Variants in SBNO2 observed in about 807,000 individuals in gnomAD.
The protein encoded by SBNO2 is protein strawberry notch homolog 2.
Under a neutral mutation model 146.3 loss-of-function variants are expected in SBNO2, and 89 were observed. The ratio of observed to expected loss-of-function variants is 0.61; its 90% CI spans 0.51 to 0.73. The LOEUF (loss-of-function observed/expected upper bound fraction) is 0.73. Among genes scored for constraint, SBNO2 ranks in the 30% least tolerant of loss-of-function variants. The pLI is 0.00. For missense variants in SBNO2, 2,092 were observed against 2,003.7 expected (o/e 1.04, Z -0.84); for synonymous variants, 1,147 against 892.6 (o/e 1.29, Z -5.08).
Position 1,109,552 on chromosome 19 carries a change from G to C in SBNO2, c.3170C>G (p.Ser1057Trp). 2 of 1,601,234 alleles carry C rather than the reference G, an allele frequency of 1.2e-6. No individual in the cohort carries two copies. The highest frequency in any genetic ancestry group is 1.7e-6 in the Non-Finnish European group (2 of 1,175,146). ...GTCATAGGGGCCCGTCAGCGCCAGC[G>C]ACTTGGCAAAGGCGTCCTCCCACTT... is the stretch of plus-strand genomic sequence containing the variant. ...GLKWEDAFAK[S>W]LALTGPYDGF... The change falls in exon 28 of 32, where the codon TCG becomes TGG. Residue 1057 changes from serine (S) to tryptophan (W), a missense_variant. Coordinates refer to ENST00000361757, the MANE Select transcript of SBNO2 (RefSeq NM_014963.3). This position sits in a 1 kb window ranked among gnomAD's most constrained non-coding sequence, Gnocchi z 4.2.
At position 1,109,465 on chromosome 19, in the gene SBNO2, C is replaced by T. The variant is rs994806366; in HGVS notation, c.3216+41G>A. Reference sequence around the variant, plus strand: ...TGAGGCCGCGCCCCGGTCCGCCCCCCGCGGGCCCTCCTCTGGGGGGGTAAC... The same window carrying T: ...TGAGGCCGCGCCCCGGTCCGCCCCCTGCGGGCCCTCCTCTGGGGGGGTAAC... On this transcript the variant is annotated intron_variant, in intron 28 of 31. Coordinates refer to ENST00000361757, the MANE Select transcript of SBNO2 (RefSeq NM_014963.3). The surrounding 1 kb of genome is among the most constrained non-coding windows in gnomAD (Gnocchi z 4.2). 14 of 1,567,736 alleles carry T rather than the reference C, an allele frequency of 8.9e-6. No individual in the cohort carries two copies. The highest frequency in any genetic ancestry group is 1.1e-5 in the Non-Finnish European group (13 of 1,157,746).
At chr19:1,124,711 GAGA>G (rs2079945290) in intron 5 of SBNO2, among the ~76,000 whole-genome samples, 1 of 152,228 alleles carries the variant, frequency 6.6e-6, no homozygotes, top group Non-Finnish European at 1.5e-5. Context: ...CCACCCTGGG[GAGA>G]AGGACTGCCC....
Position 1,157,429 on chromosome 19 carries a change from A to C in SBNO2, c.-126-3027T>G, listed in dbSNP as rs2080302062. Among the ~76,000 whole-genome samples the C allele has an allele frequency of 6.7e-6, 1 of 149,536 alleles. No individual in the cohort carries two copies. The highest frequency in any genetic ancestry group is 1.5e-5 in the Non-Finnish European group (1 of 67,152). ...ACGCGGCCCCGGAGACCCTCTCCCC[A>C]CGCGGCCCCGGTGACACGGCCCACC... is the stretch of plus-strand genomic sequence containing the variant. On this transcript the variant is annotated intron_variant, in intron 1 of 31. Transcript: ENST00000361757. This position sits in a 1 kb window ranked among gnomAD's most constrained non-coding sequence, Gnocchi z 6.8.
At chr19:1,125,292 G>A (rs1167063739) in intron 5 of SBNO2, among the ~76,000 whole-genome samples, 2 of 149,936 alleles carry the variant, frequency 1.3e-5, no homozygotes, top group Non-Finnish European at 3.0e-5. Flanking sequence ...CCAGGAGGCA[G>A]AGGTTGCAGT....
At position 1,123,617 on chromosome 19, in the gene SBNO2, G is replaced by A. The variant is rs1269497915; in HGVS notation, c.545C>T (p.Pro182Leu). Residue 182 changes from proline to leucine, a missense_variant, in exon 7 of 32, where the codon CCA (proline) becomes CTA (leucine). By Grantham distance (98) the Pro-to-Leu change is moderately conservative. Transcript: ENST00000361757. ...SYQEQSVQSQ[P>L]EEEDEAEEEE... ...CTCCTCAGCCTCGTCCTCCTCCTCT[G>A]GCTGGCTCTGCACACTCTGCTCCTG... 2.5e-6 allele frequency: 4 copies of A among 1,612,990 alleles called. No individual in the cohort carries two copies. Among genetic ancestry groups the A allele is most frequent in the African/African-American group, 1.3e-5 (1 of 75,026 alleles).
intron 4 of SBNO2, among the ~76,000 whole-genome samples, chr19:1,129,324 G>A (rs1222411777): frequency 6.6e-6 from 1 of 152,080 alleles, no homozygotes; most frequent in East Asian, 1.9e-4. Context: ...TCTCTCCCTG[G>A]AAGCTGTGGG....
At position 1,136,333 on chromosome 19, in the gene SBNO2, T is replaced by C. The variant is rs1405063110; in HGVS notation, c.280-8568A>G. Among the ~76,000 whole-genome samples the C allele has an allele frequency of 6.6e-6, 1 of 152,216 alleles. No individual in the cohort carries two copies. Among genetic ancestry groups the C allele is most frequent in the Non-Finnish European group, 1.5e-5 (1 of 68,018 alleles). ...CGGCTCCCCAGGAAACTGGGCTCCC[T>C]TCTGTCAGGGTTCCGGCCAGGTGCC... On this transcript the variant is annotated intron_variant, in intron 4 of 31. Coordinates refer to ENST00000361757, the MANE Select transcript of SBNO2 (RefSeq NM_014963.3). The surrounding 1 kb of genome is among the most constrained non-coding windows in gnomAD (Gnocchi z 4.2).
intron 4 of SBNO2, among the ~76,000 whole-genome samples, chr19:1,146,467 T>C (rs2080190761): frequency 6.6e-6 from 1 of 152,104 alleles, no homozygotes; most frequent in African/African-American, 2.4e-5. Flanking sequence ...CCAACAGCTC[T>C]GAGGCCCAGG....
At position 1,119,113 on chromosome 19, in the gene SBNO2, C is replaced by T. The variant is rs762056811; in HGVS notation, c.1425G>A (p.Met475Ile). The T allele has an allele frequency of 3.1e-6, 5 of 1,604,568 alleles. No individual in the cohort carries two copies. The African/African-American group carries it at 6.7e-5, about 21-fold the overall frequency. The change falls in exon 14 of 32, where the codon ATG becomes ATA. Residue 475 changes from methionine to isoleucine, a missense_variant. Met to Ile is a conservative substitution (Grantham distance 10, BLOSUM62 1). Transcript: ENST00000361757. ...AGAAGCTGAGCTGGCGTGCGATGTA[C>T]ATGCCGCTGACCTTCATGTCCATGG... ...IVAMDMKVSG[M>I]YIARQLSFSG...
At chr19:1,124,566 A>G (rs1368935660) in intron 5 of SBNO2, among the ~76,000 whole-genome samples, 1 of 152,192 alleles carries the variant, frequency 6.6e-6, no homozygotes, top group African/African-American at 2.4e-5. Flanking sequence ...TGGGTGGCCC[A>G]GGGCAGCCCT....
At chr19:1,111,126 C>T (rs910956911) in intron 24 of SBNO2, 33 bp from the exon 25 acceptor site, 126 of 1,533,538 alleles carry the variant, frequency 8.2e-5, no homozygotes, top group Non-Finnish European at 1.0e-4. Context: ...TGCTGGTCTT[C>T]CCACCCCTGC....
Position 1,110,882 on chromosome 19 carries a change from G to T in SBNO2, c.2891C>A (p.Ser964Tyr), listed in dbSNP as rs753388140. Reference protein sequence around the residue: ...NGCLDVEKDCSITKFLNRILG... With the variant: ...NGCLDVEKDCYITKFLNRILG... ...GATGCGGTTCAGGAACTTGGTGATGGAACAGTCTGGTAGGGGAGGGAGCCA... is the reference window on the plus strand; with the variant it reads ...GATGCGGTTCAGGAACTTGGTGATGTAACAGTCTGGTAGGGGAGGGAGCCA... The change falls in exon 26 of 32, where the codon TCC becomes TAC. Residue 964 changes from serine to tyrosine, a missense_variant. Coordinates refer to ENST00000361757, the MANE Select transcript of SBNO2 (RefSeq NM_014963.3). This position sits in a 1 kb window ranked among gnomAD's most constrained non-coding sequence, Gnocchi z 4.9. The T allele has an allele frequency of 2.5e-6, 4 of 1,613,544 alleles. No homozygotes were observed. Among genetic ancestry groups the T allele is most frequent in the African/African-American group, 1.3e-5 (1 of 74,886 alleles).
chr19:1,119,481 C>T lies in SBNO2; in HGVS notation c.1373+35G>A, dbSNP rs375604130. 181 of 1,433,238 alleles carry T rather than the reference C, an allele frequency of 1.3e-4. No homozygotes were observed. In the African/African-American group the frequency reaches 2.2e-3, roughly 17 times the overall value. The allele number at this position is 1,433,238 out of a possible 1,614,324, so 88.8% of individuals were successfully genotyped here. A position where few individuals can be genotyped will look rare whatever the true frequency, so the allele number is the denominator to read the frequency against. Reference sequence around the variant, plus strand: ...GGCCTGAGGCCTCCTCCCCACCCCCCGCCGCCCCTCCACGTGGGTGAGAAG... The same window carrying T: ...GGCCTGAGGCCTCCTCCCCACCCCCTGCCGCCCCTCCACGTGGGTGAGAAG... On this transcript the variant is annotated intron_variant, in intron 13 of 31. Transcript: ENST00000361757.
chr19:1,138,719 GGGGCCCTCCACGCCTCCATCACAGACA>G (rs2080107909), intron 4 of SBNO2, among the ~76,000 whole-genome samples: 5 of 149,116 alleles, frequency 3.4e-5, no homozygotes, highest in Admixed American at 6.7e-5. Context: ...CGGACACAGT[GGGGCCCTCCACGCCTCCATCACAGACA>G]GACACAGTTG....
intron 4 of SBNO2, among the ~76,000 whole-genome samples, chr19:1,130,806 A>G (rs1295300804): frequency 4.6e-5 from 7 of 152,184 alleles, no homozygotes; most frequent in Non-Finnish European, 7.3e-5. Context: ...ACAAATAAAT[A>G]AAAGTGAAAG....
chr19:1,130,462 A>ACTGCTCT (rs2080016159), intron 4 of SBNO2, among the ~76,000 whole-genome samples: 1 of 152,106 alleles, frequency 6.6e-6, no homozygotes, highest in South Asian at 2.1e-4. Flanking sequence ...ACTGCACGCC[A>ACTGCTCT]GCCTGGGAGA....
At position 1,144,852 on chromosome 19, in the gene SBNO2, G is replaced by A. The variant is rs1401290061; in HGVS notation, c.279+2457C>T. On this transcript the variant is annotated intron_variant, in intron 4 of 31. Transcript: ENST00000361757. This position sits in a 1 kb window ranked among gnomAD's most constrained non-coding sequence, Gnocchi z 4.1. Reference sequence around the variant, plus strand: ...GACAGAGAGACAGGGGCAGAGACAAGCAGAGAGGGAGACACAGACAGAGAC... The same window carrying A: ...GACAGAGAGACAGGGGCAGAGACAAACAGAGAGGGAGACACAGACAGAGAC... Among the ~76,000 whole-genome samples, 2 of 139,680 alleles carry A rather than the reference G, an allele frequency of 1.4e-5. No homozygotes were observed. The highest frequency in any genetic ancestry group is 3.1e-5 in the Non-Finnish European group (2 of 64,770). The allele number at this position is 139,680 out of a possible 152,430, so 91.6% of individuals were successfully genotyped here.
chr19:1,170,349 C>T (rs2080465699), intron 1 of SBNO2, among the ~76,000 whole-genome samples: 1 of 152,192 alleles, frequency 6.6e-6, no homozygotes, highest in Admixed American at 6.5e-5. Context: ...GTCTGCTCTT[C>T]GTCCCAGCCC....
rs1285583316 is a variant in SBNO2, at chr19:1,150,165, C to T, written c.94-723G>A. On this transcript the variant is annotated intron_variant, in intron 2 of 31. Coordinates refer to ENST00000361757, the MANE Select transcript of SBNO2 (RefSeq NM_014963.3). The surrounding 1 kb of genome is among the most constrained non-coding windows in gnomAD (Gnocchi z 6.2). ...CTTACCCAACACCCTCGCCAGGAGC[C>T]GATGTCCCCACCCCATGGTTCTCTG... Among the ~76,000 whole-genome samples, 2 of 152,112 alleles carry T rather than the reference C, an allele frequency of 1.3e-5. No individual in the cohort carries two copies. Among genetic ancestry groups the T allele is most frequent in the East Asian group, 1.9e-4 (1 of 5,174 alleles).
Sources: gnomAD v4.1 joint callset for allele counts (sites outside exome capture counted in the v4.1 genomes callset) on GRCh38, gnomAD v4.1.1 for gene constraint, Gnocchi (gnomAD v3.1) non-coding constraint, MANE v1.5 for transcripts, NCBI Gene and HGNC (gene_info 2026-07-23, HGNC 2026-07-21) for gene names.